The following NTRK2 variants were observed in gnomAD, a reference collection of about 807,000 sequenced individuals.
The protein encoded by NTRK2 is BDNF/NT-3 growth factors receptor.
A neutral mutation model predicts 94.5 loss-of-function variants in NTRK2; 13 were observed. That is an observed-to-expected ratio of 0.14 (90% confidence interval 0.09 to 0.22). The LOEUF (loss-of-function observed/expected upper bound fraction) is 0.22. NTRK2 is among the 10% of genes least tolerant of loss of function. The pLI is 1.00. For synonymous variants in NTRK2, 372 were observed against 407.4 expected (o/e 0.91, Z 1.05); for missense variants, 639 against 1,071.2 (o/e 0.60, Z 5.63).
rs551621097 is a variant in NTRK2 at position 84,697,400 on chromosome 9, T to C, written c.213-4759T>C. 8.8e-4 allele frequency among the ~76,000 whole-genome samples: 134 copies of C among 152,258 alleles called. 1 individual carries two copies. The highest frequency in any genetic ancestry group is 3.1e-3 in the African/African-American group (129 of 41,540). The stretch of plus-strand genomic sequence containing the variant: ...GTTGTCATGGAGAGAAATCTCCTGG[T>C]TGGGGTGTGTGCCACAATTCTGGGC... On this transcript the variant is annotated intron_variant, in intron 2 of 18. Coordinates refer to ENST00000277120, the MANE Select transcript of NTRK2 (RefSeq NM_006180.6).
chr9:84,906,008 C>T (rs1459002613), intron 14 of NTRK2, among the ~76,000 whole-genome samples: 2 of 152,236 alleles, frequency 1.3e-5, no homozygotes, highest in South Asian at 4.1e-4. Flanking sequence ...AATGTGAATT[C>T]GATTTCCAAT....
At chr9:84,924,438 T>C (rs2077688030) in intron 14 of NTRK2, among the ~76,000 whole-genome samples, 1 of 152,152 alleles carries the variant, frequency 6.6e-6, no homozygotes, top group Non-Finnish European at 1.5e-5. Flanking sequence ...CCTGCCAGGA[T>C]TTTGTACAAT....
rs1421522516 is a variant in NTRK2 at position 85,021,601 on chromosome 9, CT to C, written c.*166del. On this transcript the variant is annotated 3_prime_UTR_variant, in exon 19 of 19. Transcript: ENST00000277120. ...CTCTCGAGGGAAGCAGTGTGTACTTCTTCATCCATAGACACAGTATTGACTT... is the reference window on the plus strand; with the variant it reads ...CTCTCGAGGGAAGCAGTGTGTACTTCTCATCCATAGACACAGTATTGACTT... The C allele has an allele frequency of 1.4e-6, 1 of 714,886 alleles. No homozygotes were observed. The highest frequency in any genetic ancestry group is 2.5e-6 in the Non-Finnish European group (1 of 396,624). 44.3% of individuals were successfully genotyped at this position (714,886 alleles called of 1,614,324 possible). A position where few individuals can be genotyped will look rare whatever the true frequency, so the allele number is the denominator to read the frequency against.
rs559066764 is a variant in NTRK2 at position 84,973,286 on chromosome 9, A to G, written c.2172+17769A>G. On this transcript the variant is annotated intron_variant, in intron 17 of 18. Transcript: ENST00000277120. ...AGAACATTTGATTCAACTTTTTACC[A>G]GATGACTGCTTCACTATTCTCCAGG... Among the ~76,000 whole-genome samples the G allele has an allele frequency of 4.6e-5, 7 of 152,322 alleles. No homozygotes were observed. The South Asian group carries it at 1.2e-3, about 27-fold the overall frequency.
chr9:84,894,874 A>T (rs1458824268), intron 14 of NTRK2, among the ~76,000 whole-genome samples: 1 of 152,214 alleles, frequency 6.6e-6, no homozygotes, highest in Non-Finnish European at 1.5e-5. Flanking sequence ...AGATAGAGGG[A>T]AATTGGACAG....
At chr9:84,805,490 C>T (rs2071004098) in intron 12 of NTRK2, among the ~76,000 whole-genome samples, 1 of 152,198 alleles carries the variant, frequency 6.6e-6, no homozygotes, top group African/African-American at 2.4e-5. Flanking sequence ...CACTATACTT[C>T]TGAGAAAAAT....
intron 17 of NTRK2, among the ~76,000 whole-genome samples, chr9:84,971,296 C>G (rs1039917088): frequency 6.6e-6 from 1 of 152,202 alleles, no homozygotes; most frequent in African/African-American, 2.4e-5. Context: ...TCTTAGCCTC[C>G]TGGACCTAAT....
intron 12 of NTRK2, among the ~76,000 whole-genome samples, chr9:84,786,045 G>T (rs941962629): frequency 6.6e-6 from 1 of 152,020 alleles, no homozygotes; most frequent in Non-Finnish European, 1.5e-5. Context: ...TCCAAAAGTC[G>T]CCCATGCCTT....
intron 12 of NTRK2, among the ~76,000 whole-genome samples, chr9:84,838,025 A>G (rs1161283557): frequency 6.6e-6 from 1 of 152,356 alleles, no homozygotes; most frequent in East Asian, 1.9e-4. Context: ...ATTAATAATT[A>G]TAGATATTAT....
chr9:84,926,575 T>C (rs534217440), intron 14 of NTRK2, among the ~76,000 whole-genome samples: 12 of 152,186 alleles, frequency 7.9e-5, no homozygotes, highest in Admixed American at 7.2e-4. Flanking sequence ...CTGTTCCTCT[T>C]TTGGAAAAAC....
At chr9:84,992,772 C>T (rs1035729555) in intron 17 of NTRK2, among the ~76,000 whole-genome samples, 1 of 152,064 alleles carries the variant, frequency 6.6e-6, no homozygotes, top group Non-Finnish European at 1.5e-5. Flanking sequence ...TCCATTTATG[C>T]AGATGTGATG....
chr9:84,668,621 C>G (rs1178146695), upstream of NTRK2: 1 of 152,260 alleles, frequency 6.6e-6, no homozygotes, highest in African/African-American at 2.4e-5. Flanking sequence ...AGAATAGTTA[C>G]GGTTTGTCAC....
At chr9:84,690,244 A>G (rs908374822) in intron 2 of NTRK2, among the ~76,000 whole-genome samples, 8 of 152,206 alleles carry the variant, frequency 5.3e-5, no homozygotes, top group African/African-American at 1.9e-4. Flanking sequence ...TACCACTGGA[A>G]TCATTCTCCT....
At chr9:84,845,898 A>G (rs961832191) in intron 12 of NTRK2, among the ~76,000 whole-genome samples, 1 of 151,352 alleles carries the variant, frequency 6.6e-6, no homozygotes, top group Non-Finnish European at 1.5e-5. Flanking sequence ...ACCAAAAAAC[A>G]CCTGTACTCC....
chr9:84,882,503 C>CT (rs1347462292), intron 14 of NTRK2, among the ~76,000 whole-genome samples: 2 of 152,166 alleles, frequency 1.3e-5, no homozygotes, highest in African/African-American at 4.8e-5. Context: ...ACCAGGCGGT[C>CT]TTTTATTTGT....
In NTRK2 at chr9:84,795,191, T is replaced by C. The variant is rs182158230; in HGVS notation, c.1396+43106T>C. Among the ~76,000 whole-genome samples the C allele has an allele frequency of 3.1e-3, 474 of 152,182 alleles. 4 individuals carry two copies. Among genetic ancestry groups the C allele is most frequent in the African/African-American group, 0.011 (452 of 41,534 alleles). ...GGAAGTGGGAGGACCTCCTGAGGGGTGGTGGCAGCTTTCCTGCATCTACTG... is the reference window on the plus strand; with the variant it reads ...GGAAGTGGGAGGACCTCCTGAGGGGCGGTGGCAGCTTTCCTGCATCTACTG... On this transcript the variant is annotated intron_variant, in intron 12 of 18. Transcript: ENST00000277120.
At chr9:84,924,770 G>A (rs1398192302) in intron 14 of NTRK2, among the ~76,000 whole-genome samples, 1 of 152,106 alleles carries the variant, frequency 6.6e-6, no homozygotes, top group East Asian at 1.9e-4. Context: ...GTTAAATTAA[G>A]CCTTTCTCCC....
intron 12 of NTRK2, among the ~76,000 whole-genome samples, chr9:84,779,228 T>C (rs1007177431): frequency 2.0e-5 from 3 of 152,242 alleles, no homozygotes; most frequent in African/African-American, 7.2e-5. Flanking sequence ...TGAATGCCAT[T>C]GGAAGCCTGG....
At chr9:84,794,288 G>A (rs1456715782) in intron 12 of NTRK2, among the ~76,000 whole-genome samples, 4 of 152,164 alleles carry the variant, frequency 2.6e-5, no homozygotes, top group Admixed American at 1.3e-4. Flanking sequence ...GCCATCACCC[G>A]AAAATGGGGG....
Sources: gnomAD v4.1 joint callset for allele counts (sites outside exome capture counted in the v4.1 genomes callset) on GRCh38, gnomAD v4.1.1 for gene constraint, MANE v1.5 for transcripts, NCBI Gene and HGNC (gene_info 2026-07-23, HGNC 2026-07-21) for gene names.